The following THBS4 variants were observed in gnomAD, a reference collection of about 807,000 sequenced individuals.
The protein encoded by THBS4 is thrombospondin-4.
A neutral mutation model predicts 115.7 loss-of-function variants in THBS4; 90 were observed. That is an observed-to-expected ratio of 0.78 (90% confidence interval 0.66 to 0.93). The LOEUF is 0.93. Ranked by LOEUF, THBS4 falls within the 40% of genes least tolerant of loss-of-function variation. The pLI is 0.00. For missense variants in THBS4, 1,087 were observed against 1,232.7 expected (o/e 0.88, Z 1.77); for synonymous variants, 460 against 479.3 (o/e 0.96, Z 0.53).
intron 6 of THBS4, 65 bp downstream of exon 6, chr5:80,059,556 G>A: frequency 6.2e-7 from 1 of 1,602,824 alleles, no homozygotes; most frequent in Non-Finnish European, 8.5e-7. Flanking sequence ...AGGGCTTGCG[G>A]TGAGGCTGTG....
intron 2 of THBS4, among the ~76,000 whole-genome samples, chr5:80,026,841 TTC>T (rs1207956093): frequency 6.6e-6 from 1 of 152,242 alleles, no homozygotes; most frequent in Non-Finnish European, 1.5e-5. Flanking sequence ...TGAAGTCATT[TTC>T]TCTCTTTCTG....
chr5:80,022,987 A>G (rs984622246), intron 2 of THBS4, among the ~76,000 whole-genome samples: 2 of 152,186 alleles, frequency 1.3e-5, no homozygotes, highest in Non-Finnish European at 2.9e-5. Flanking sequence ...TTTCCCCTGG[A>G]TAACTGAGTA....
chr5:80,083,024 C>T (rs1353970365), intron 21 of THBS4, 56 bp from the exon 22 acceptor site: 40 of 1,527,326 alleles, frequency 2.6e-5, no homozygotes, highest in Non-Finnish European at 3.1e-5. Flanking sequence ...GGCGGGGGTC[C>T]GGGGTCCGGG....
At position 80,078,078 on chromosome 5, in the gene THBS4, G is replaced by C; in HGVS notation, c.2116G>C (p.Asp706His). ...SDGVGDICES[D>H]FDQDQVIDRI... The stretch of plus-strand genomic sequence containing the variant: ...CGGAGTGGGAGACATCTGTGAGTCT[G>C]ACTTTGACCAGGACCAGGTCATCGA... Residue 706 changes from aspartate (D) to histidine (H), a missense_variant, in exon 17 of 22, where the codon GAC becomes CAC. By Grantham distance (81) the Asp-to-His change is moderately conservative (BLOSUM62 -1). Around this residue, in one of 3 missense-constraint regions of THBS4, gnomAD observed 979 missense variants for 1,103.7 expected, o/e 0.89. Transcript: ENST00000350881. 3 of 1,601,486 alleles carry C rather than the reference G, an allele frequency of 1.9e-6. No individual in the cohort carries two copies. The highest frequency in any genetic ancestry group is 1.7e-6 in the Non-Finnish European group (2 of 1,171,468).
In THBS4 at chr5:80,029,617, G is replaced by A. The variant is rs150664315; in HGVS notation, n.178-10460G>A. Among the ~76,000 whole-genome samples the A allele has an allele frequency of 3.5e-3, 538 of 152,024 alleles. 4 individuals are homozygous for A. Among genetic ancestry groups the A allele is most frequent in the Admixed American group, 6.4e-3 (97 of 15,272 alleles). The stretch of plus-strand genomic sequence containing the variant: ...CACCTCTTTTCTTGCTTTACTAATC[G>A]TCAGTGCCTAATTGCTAAAGCAAAA... On this transcript the variant is annotated intron_variant and non_coding_transcript_variant, in intron 2 of 3. Transcript: ENST00000510218.
intron 4 of THBS4, among the ~76,000 whole-genome samples, 189 bp from the exon 5 acceptor site, chr5:80,058,519 C>T (rs1252140356): frequency 6.6e-6 from 1 of 152,002 alleles, no homozygotes; most frequent in Non-Finnish European, 1.5e-5. Context: ...GGAATTTAGA[C>T]TTAGTCAGTG....
chr5:80,071,726 C>T (rs1211067836), intron 13 of THBS4: 1 of 165,406 alleles, frequency 6.0e-6, no homozygotes, highest in African/African-American at 2.4e-5. Flanking sequence ...TAAAACATGA[C>T]CTCACCTTCT....
intron 2 of THBS4, among the ~76,000 whole-genome samples, chr5:80,017,641 A>G (rs1253428339): frequency 2.0e-5 from 3 of 152,060 alleles, no homozygotes; most frequent in Non-Finnish European, 4.4e-5. Flanking sequence ...TGTCATCACC[A>G]TTGTTTTATA....
chr5:80,050,297 C>A (rs1833213141), intron 2 of THBS4, among the ~76,000 whole-genome samples: 1 of 152,252 alleles, frequency 6.6e-6, no homozygotes, highest in South Asian at 2.1e-4. Flanking sequence ...TCAGTCTCCC[C>A]AAGCATTCAG....
intron 2 of THBS4, among the ~76,000 whole-genome samples, chr5:80,001,225 A>T (rs75009273): frequency 6.6e-6 from 1 of 152,214 alleles, no homozygotes; most frequent in Non-Finnish European, 1.5e-5. Context: ...GTGACTGTCA[A>T]TATATCTTTT....
At chr5:80,082,942 A>T in intron 21 of THBS4, 138 bp from the exon 22 acceptor site, 1 of 777,364 alleles carries the variant, frequency 1.3e-6, no homozygotes, top group South Asian at 1.6e-5. Context: ...CCTGCAGGAG[A>T]AAATGGCGGC....
intron 1 of THBS4, among the ~76,000 whole-genome samples, chr5:79,993,379 G>C (rs957729791): frequency 2.0e-5 from 3 of 152,178 alleles, no homozygotes; most frequent in African/African-American, 7.2e-5. Flanking sequence ...GCTGAATACT[G>C]TTCCAGAGAA....
intron 1 of THBS4, among the ~76,000 whole-genome samples, chr5:80,037,790 A>G (rs1044999806): frequency 3.3e-5 from 5 of 152,134 alleles, no homozygotes; most frequent in African/African-American, 7.2e-5. Context: ...TTTAAAACAT[A>G]TTGCCTTATT....
chr5:80,027,040 C>T (rs774571994), intron 2 of THBS4, among the ~76,000 whole-genome samples: 4 of 152,188 alleles, frequency 2.6e-5, no homozygotes, highest in Non-Finnish European at 4.4e-5. Context: ...CAGCCACTAA[C>T]AAAGAGGAAG....
Position 80,080,579 on chromosome 5 carries a change from C to CTTTTTTTTTTTTTTTTTTTTTTTTT in THBS4, c.2684+503_2684+527dup. ...AACTGCATGAGAGCAGCGCTTGTAT[C>CTTTTTTTTTTTTTTTTTTTTTTTTT]TTTTTTTTTTTTTTTTTTTTTTTTT... On this transcript the variant is annotated intron_variant, in intron 20 of 21. Coordinates refer to ENST00000350881, the MANE Select transcript of THBS4 (RefSeq NM_003248.6). Among the ~76,000 whole-genome samples the CTTTTTTTTTTTTTTTTTTTTTTTTT allele has an allele frequency of 1.1e-3, 56 of 50,490 alleles. 10 individuals carry two copies. Among genetic ancestry groups the CTTTTTTTTTTTTTTTTTTTTTTTTT allele is most frequent in the East Asian group, 1.9e-3 (2 of 1,052 alleles). The allele number at this position is 50,490 out of a possible 152,430, so 33.1% of individuals were successfully genotyped here.
rs768993415 is a variant in THBS4 at position 80,071,079 on chromosome 5, G to A, written c.1619G>A (p.Gly540Glu). 3.7e-6 allele frequency: 6 copies of A among 1,612,956 alleles called. No homozygotes were observed. In the South Asian group the frequency reaches 6.6e-5, roughly 18 times the overall value. The change falls in exon 13 of 22, where the codon GGG (glycine) becomes GAG (glutamate). Residue 540 changes from glycine (G) to glutamate (E), a missense_variant. Gly to Glu is a moderately conservative substitution (Grantham distance 98). This residue lies in a region of THBS4 where 979 missense variants were observed against 1,103.7 expected (regional missense o/e 0.89). Transcript: ENST00000350881. ...AGGAACAGCGATAAAGATATCTTTG[G>A]GGATGCCTGTGATAACTGCCTGAGT... ...DQRNSDKDIF[G>E]DACDNCLSVL...
intron 2 of THBS4, among the ~76,000 whole-genome samples, chr5:80,014,869 C>T (rs1832216426): frequency 6.6e-6 from 1 of 152,238 alleles, no homozygotes; most frequent in Admixed American, 6.5e-5. Context: ...TAATCCAAGT[C>T]TGTCACTTAA....
intron 15 of THBS4, among the ~76,000 whole-genome samples, chr5:80,073,653 G>A (rs1246073590): frequency 6.6e-6 from 1 of 151,978 alleles, no homozygotes; most frequent in Non-Finnish European, 1.5e-5. Flanking sequence ...CAAAGTGCTG[G>A]GATTACAGGC....
chr5:80,013,226 G>T (rs1006350114), intron 2 of THBS4, among the ~76,000 whole-genome samples: 4 of 152,094 alleles, frequency 2.6e-5, no homozygotes, highest in Admixed American at 2.6e-4. Context: ...TGCAACCTCT[G>T]CCTCCTGTTT....
Sources: allele counts gnomAD v4.1 joint callset (sites outside exome capture counted in the v4.1 genomes callset), GRCh38; gene constraint gnomAD v4.1.1; regional missense constraint gnomAD v4.1.1; transcripts MANE v1.5; gene names NCBI Gene and HGNC (gene_info 2026-07-23, HGNC 2026-07-21).